PCDHGA3: variants seen among roughly 807,000 people sequenced by gnomAD.
PCDHGA3 encodes protocadherin gamma-A3.
In PCDHGA3, 40 loss-of-function variants were observed where a neutral mutation model predicts 58.5. That is an observed-to-expected ratio of 0.68 (90% confidence interval 0.53 to 0.89). PCDHGA3 has a LOEUF of 0.89. Ranked by LOEUF, PCDHGA3 falls within the 40% of genes least tolerant of loss-of-function variation. The pLI is 0.00. For synonymous variants in PCDHGA3, 530 were observed against 525.7 expected (o/e 1.01, Z -0.11); for missense variants, 1,223 against 1,195.9 (o/e 1.02, Z -0.33).
intron 2 of PCDHGA3, among the ~76,000 whole-genome samples, chr5:141,502,165 T>C (rs1017904375): frequency 1.8e-4 from 28 of 152,196 alleles, no homozygotes; most frequent in African/African-American, 6.3e-4. Context: ...AGATATTCAG[T>C]TGAGGAATTT....
At chr5:141,364,041 A>G (rs1442486662) in intron 1 of PCDHGA3, among the ~76,000 whole-genome samples, 2 of 152,276 alleles carry the variant, frequency 1.3e-5, no homozygotes, top group African/African-American at 4.8e-5. Context: ...ATATGGCAAC[A>G]TTATTAGAAA....
chr5:141,458,949 T>A (rs948180008), intron 1 of PCDHGA3, among the ~76,000 whole-genome samples: 1 of 151,814 alleles, frequency 6.6e-6, no homozygotes, highest in East Asian at 1.9e-4. Flanking sequence ...CTTAGGTTGG[T>A]CACAAATTCA....
intron 1 of PCDHGA3, chr5:141,428,630 C>T: frequency 5.4e-6 from 1 of 185,692 alleles, no homozygotes; most frequent in Non-Finnish European, 1.1e-5. Context: ...AGCTCTAACT[C>T]TGTTGCTCCT....
chr5:141,347,137 C>CTTTCTTTCTTTCTTTCTTTCTT (rs1554073405), intron 1 of PCDHGA3, among the ~76,000 whole-genome samples: 2 of 113,744 alleles, frequency 1.8e-5, no homozygotes, highest in East Asian at 2.4e-4. Flanking sequence ...CTCTGTTTCT[C>CTTTCTTTCTTTCTTTCTTTCTT]TCTTTCTTTC....
intron 1 of PCDHGA3, chr5:141,392,883 TGGGAAATC>T (rs1224904365): frequency 3.1e-6 from 5 of 1,613,518 alleles, no homozygotes; most frequent in Non-Finnish European, 4.2e-6. Flanking sequence ...GGGAACGCTG[TGGGAAATC>T]GGGAGGGGAC....
Position 141,405,333 on chromosome 5 carries a change from C to T in PCDHGA3, c.2424+58876C>T, listed in dbSNP as rs1253133454. 29 of 1,614,086 alleles carry T rather than the reference C, an allele frequency of 1.8e-5. No homozygotes were observed. Among genetic ancestry groups the T allele is most frequent in the Non-Finnish European group, 2.5e-5 (29 of 1,180,034 alleles). ...GAGAAAAATGAGCCTTTGTGCGTCT[C>T]TGTTGATTCCAAGTTTCCTATAGAA... On this transcript the variant is annotated intron_variant, in intron 1 of 3. Coordinates refer to ENST00000253812, the MANE Select transcript of PCDHGA3 (RefSeq NM_018916.4).
intron 1 of PCDHGA3, chr5:141,400,105 T>C (rs1282646842): frequency 6.2e-7 from 1 of 1,613,938 alleles, no homozygotes; most frequent in Non-Finnish European, 8.5e-7. Context: ...GCACTTGGTC[T>C]TTGCTGACAG....
intron 1 of PCDHGA3, among the ~76,000 whole-genome samples, chr5:141,346,748 A>G (rs1247311192): frequency 6.6e-6 from 1 of 152,222 alleles, no homozygotes; most frequent in African/African-American, 2.4e-5. Flanking sequence ...ACTATTTGAA[A>G]TTGTGACTGC....
At chr5:141,366,178 C>G (rs778986920) in intron 1 of PCDHGA3, 1 of 1,614,044 alleles carries the variant, frequency 6.2e-7, no homozygotes, top group Non-Finnish European at 8.5e-7. Context: ...AGCCAGGACT[C>G]TTTGCGGTTG....
chr5:141,364,488 G>A (rs144886424), intron 1 of PCDHGA3: 360 of 1,614,020 alleles, frequency 2.2e-4, no homozygotes, highest in Non-Finnish European at 2.9e-4. Context: ...AAGGACCTTG[G>A]GCTGGAGCCC....
intron 1 of PCDHGA3, chr5:141,384,882 C>T (rs951463054): frequency 6.2e-7 from 1 of 1,613,754 alleles, no homozygotes; most frequent in African/African-American, 1.3e-5. Context: ...TCACACTCAC[C>T]GTGGCTGTGG....
rs192677983 is a variant in PCDHGA3 at position 141,457,339 on chromosome 5, A to G, written c.2425-37468A>G. On this transcript the variant is annotated intron_variant, in intron 1 of 3. Transcript: ENST00000253812. The stretch of plus-strand genomic sequence containing the variant: ...CCTCCGGGTTACAGGTACCTTACTT[A>G]CTTTCATTACCTGGCACAATTTGCA... Among the ~76,000 whole-genome samples the G allele has an allele frequency of 3.1e-4, 47 of 152,268 alleles. No individual in the cohort carries two copies. The South Asian group carries it at 3.3e-3, about 11-fold the overall frequency.
At position 141,362,252 on chromosome 5, in the gene PCDHGA3, C is replaced by A. The variant is rs1030341825; in HGVS notation, c.2424+15795C>A. ...TTGATCTCAGTGCTCTTCTTCCTCGCGGTGATTCTGGCAATCTCCCTGCGC... is the reference window on the plus strand; with the variant it reads ...TTGATCTCAGTGCTCTTCTTCCTCGAGGTGATTCTGGCAATCTCCCTGCGC... On this transcript the variant is annotated intron_variant, in intron 1 of 3. Coordinates refer to ENST00000253812, the MANE Select transcript of PCDHGA3 (RefSeq NM_018916.4). 1.9e-6 allele frequency: 3 copies of A among 1,613,904 alleles called. No homozygotes were observed. In the Admixed American group the frequency reaches 5.0e-5, roughly 27 times the overall value.
intron 1 of PCDHGA3, among the ~76,000 whole-genome samples, chr5:141,443,656 A>G (rs139300845): frequency 1.3e-5 from 2 of 152,374 alleles, no homozygotes; most frequent in East Asian, 3.8e-4. Flanking sequence ...TTAGCATAGC[A>G]TTTTACTGAA....
At chr5:141,384,518 C>T (rs1479729851) in intron 1 of PCDHGA3, 7 of 1,614,192 alleles carry the variant, frequency 4.3e-6, no homozygotes, top group East Asian at 4.5e-5. Flanking sequence ...AGCGGGGACC[C>T]GCCTCTCAGC....
intron 1 of PCDHGA3, among the ~76,000 whole-genome samples, chr5:141,450,826 A>ATT (rs764729742): frequency 0.025 from 3,390 of 134,266 alleles, 60 homozygotes; most frequent in Middle Eastern, 0.057. Flanking sequence ...TATTATTATT[A>ATT]TTATTTTTTT....
intron 1 of PCDHGA3, among the ~76,000 whole-genome samples, chr5:141,381,826 C>CTTCTTTTTT (rs1777532522): frequency 2.2e-4 from 16 of 74,296 alleles, no homozygotes; most frequent in African/African-American, 9.3e-4. Context: ...CTTTCTTCTT[C>CTTCTTTTTT]TTTTTTTTTT....
At chr5:141,446,624 G>C (rs1433894248) in intron 1 of PCDHGA3, among the ~76,000 whole-genome samples, 1 of 151,930 alleles carries the variant, frequency 6.6e-6, no homozygotes, top group African/African-American at 2.4e-5. Flanking sequence ...CTACAGGCGT[G>C]CACCACCACG....
chr5:141,419,729 G>T (rs1436631336), intron 1 of PCDHGA3: 1 of 1,613,758 alleles, frequency 6.2e-7, no homozygotes, highest in Admixed American at 1.7e-5. Context: ...GCTGCGAACA[G>T]GCGAGGTGCG....
Sources: allele counts gnomAD v4.1 joint callset (sites outside exome capture counted in the v4.1 genomes callset), GRCh38; gene constraint gnomAD v4.1.1; transcripts MANE v1.5; gene names NCBI Gene and HGNC (gene_info 2026-07-23, HGNC 2026-07-21).